DNAJB6: variants seen among roughly 807,000 people sequenced by gnomAD.
DNAJB6 encodes dnaJ homolog subfamily B member 6.
In DNAJB6, 16 loss-of-function variants were observed where a neutral mutation model predicts 42.7. The ratio of observed to expected loss-of-function variants is 0.37; its 90% confidence interval spans 0.25 to 0.57. The LOEUF (loss-of-function observed/expected upper bound fraction) is 0.57. Among genes scored for constraint, DNAJB6 ranks in the 20% least tolerant of loss-of-function variants. The pLI, the probability that DNAJB6 is intolerant of heterozygous loss-of-function variation, is 0.74. For missense variants in DNAJB6, 347 were observed against 416.8 expected (o/e 0.83, Z 1.46); for synonymous variants, 170 against 163.5 (o/e 1.04, Z -0.30).
chr7:157,359,143 C>G (rs750278648), intron 2 of DNAJB6, among the ~76,000 whole-genome samples: 1 of 152,144 alleles, frequency 6.6e-6, no homozygotes, highest in African/African-American at 2.4e-5. Flanking sequence ...AAGGCTCTCA[C>G]GGTAACCTTA....
intron 8 of DNAJB6, among the ~76,000 whole-genome samples, chr7:157,402,851 G>A (rs1795584541): frequency 6.6e-6 from 1 of 152,236 alleles, no homozygotes; most frequent in Non-Finnish European, 1.5e-5. Flanking sequence ...GTGGGCCACG[G>A]AGAAAGTCCA....
At chr7:157,394,865 G>A (rs1230898597) in intron 8 of DNAJB6, among the ~76,000 whole-genome samples, 2 of 152,248 alleles carry the variant, frequency 1.3e-5, no homozygotes, top group African/African-American at 2.4e-5. Flanking sequence ...GGGAGGCTGA[G>A]CTGCGTGGCG....
intron 9 of DNAJB6, chr7:157,413,493 G>T (rs1232622536): frequency 6.6e-6 from 1 of 152,138 alleles, no homozygotes; most frequent in African/African-American, 2.4e-5. Flanking sequence ...ATACTTAAGG[G>T]TTTTCAAGTC....
chr7:157,411,727 C>T (rs1563155152), intron 9 of DNAJB6: 1 of 146,048 alleles, frequency 6.8e-6, no homozygotes, highest in African/African-American at 2.6e-5. Context: ...GGTGAGGCTC[C>T]TGGAACGGCA....
At chr7:157,356,104 C>T (rs567964460) in intron 1 of DNAJB6, among the ~76,000 whole-genome samples, 6 of 152,284 alleles carry the variant, frequency 3.9e-5, no homozygotes, top group South Asian at 4.1e-4. Flanking sequence ...ATATATAGTG[C>T]TCAGAGGGGA....
intron 5 of DNAJB6, among the ~76,000 whole-genome samples, chr7:157,370,077 C>T (rs545375850): frequency 1.2e-4 from 18 of 148,368 alleles, no homozygotes; most frequent in African/African-American, 3.8e-4. Context: ...TTAAACGGGC[C>T]CCTTCTTAAC....
chr7:157,408,221 G>T (rs187290188), intron 8 of DNAJB6, among the ~76,000 whole-genome samples: 2 of 152,212 alleles, frequency 1.3e-5, no homozygotes, highest in Non-Finnish European at 2.9e-5. Flanking sequence ...CGCGGGCCGG[G>T]TGTTGACAAT....
intron 8 of DNAJB6, among the ~76,000 whole-genome samples, chr7:157,399,840 T>C (rs1001895071): frequency 6.6e-6 from 1 of 152,138 alleles, no homozygotes; most frequent in Admixed American, 6.5e-5. Context: ...GGCTAACTTT[T>C]GTATTTTTAG....
intron 3 of DNAJB6, among the ~76,000 whole-genome samples, chr7:157,365,862 C>T (rs994053240): frequency 6.6e-6 from 1 of 151,644 alleles, no homozygotes; most frequent in African/African-American, 2.4e-5. Context: ...CTGGGTTTCT[C>T]CGTGTTGGCC....
At chr7:157,367,507 T>C in intron 5 of DNAJB6, 24 bp downstream of exon 5, 1 of 1,385,878 alleles carries the variant, frequency 7.2e-7, no homozygotes, top group Non-Finnish European at 1.0e-6. Context: ...GTGGGTTGAC[T>C]TGGTGTGTGT....
chr7:157,372,129 G>C, intron 5 of DNAJB6: 1 of 152,830 alleles, frequency 6.5e-6, no homozygotes. Context: ...ATAGTAGTCA[G>C]TCATTTTACT....
At chr7:157,410,206 C>T (rs1020571588) in intron 9 of DNAJB6, 12 of 1,295,100 alleles carry the variant, frequency 9.3e-6, no homozygotes, top group Non-Finnish European at 1.2e-5. Context: ...GGGCCCCCCA[C>T]CGTTAAAACG....
chr7:157,391,125 C>T (rs1342431804), intron 8 of DNAJB6, among the ~76,000 whole-genome samples: 1 of 152,172 alleles, frequency 6.6e-6, no homozygotes, highest in Non-Finnish European at 1.5e-5. Context: ...CATGAGCCCC[C>T]ACTCCCAGCC....
At chr7:157,402,917 A>G (rs1795586715) in intron 8 of DNAJB6, among the ~76,000 whole-genome samples, 1 of 152,158 alleles carries the variant, frequency 6.6e-6, no homozygotes, top group East Asian at 1.9e-4. Context: ...GTGAACCAGG[A>G]GTATCTGAGA....
At chr7:157,396,385 T>TA (rs1245267419) in intron 8 of DNAJB6, among the ~76,000 whole-genome samples, 1 of 152,242 alleles carries the variant, frequency 6.6e-6, no homozygotes, top group East Asian at 1.9e-4. Flanking sequence ...GTTCCGTTTA[T>TA]AAAGAGTTCC....
intron 1 of DNAJB6, among the ~76,000 whole-genome samples, chr7:157,347,012 C>T (rs1251596437): frequency 1.3e-5 from 2 of 152,168 alleles, no homozygotes; most frequent in African/African-American, 2.4e-5. Context: ...CCCGCCACCA[C>T]GCCCGGCTAA....
At chr7:157,407,452 A>G (rs1455311755) in intron 8 of DNAJB6, among the ~76,000 whole-genome samples, 1 of 152,234 alleles carries the variant, frequency 6.6e-6, no homozygotes, top group Non-Finnish European at 1.5e-5. Context: ...TTAGTTGGCA[A>G]AGTATAATTC....
intron 1 of DNAJB6, among the ~76,000 whole-genome samples, chr7:157,342,369 C>G (rs1014367315): frequency 2.3e-5 from 2 of 85,178 alleles, no homozygotes; most frequent in Non-Finnish European, 4.5e-5. Flanking sequence ...TTGAGTTTCA[C>G]TCTTGTTGCC....
chr7:157,388,458 A>C (rs1192290251), intron 8 of DNAJB6, among the ~76,000 whole-genome samples: 1 of 152,186 alleles, frequency 6.6e-6, no homozygotes. Flanking sequence ...CGCCTCTGAA[A>C]ATAGGAAGCT....
Sources: allele counts gnomAD v4.1 joint callset (sites outside exome capture counted in the v4.1 genomes callset), GRCh38; gene constraint gnomAD v4.1.1; transcripts MANE v1.5; gene names NCBI Gene and HGNC (gene_info 2026-07-23, HGNC 2026-07-21).